The following TENM3 variants were observed in gnomAD, a reference collection of about 807,000 sequenced individuals.
TENM3 encodes teneurin-3.
TENM3 carries 63 observed loss-of-function variants against 255.1 expected under a neutral mutation model. The observed-to-expected ratio is 0.25, with a 90% CI of 0.20 to 0.30. The LOEUF is 0.30. Among genes scored for constraint, TENM3 ranks in the 10% least tolerant of loss-of-function variants. The pLI is 1.00. For synonymous variants in TENM3, 1,306 were observed against 1,322.3 expected, an observed-to-expected ratio of 0.99 and a Z score of 0.27; for missense variants, 2,929 against 3,461.1, an observed-to-expected ratio of 0.85 and a Z score of 3.86.
Position 182,641,528 on chromosome 4 carries a change from TG to T in TENM3, c.989-12242del, listed in dbSNP as rs199821612. ...ATAAAAGTAGTATGCAGTTTTTTTT[TG>T]TTGTTTTTTTTTTTTTGAGACAGAG... On this transcript the variant is annotated intron_variant, in intron 5 of 27. Transcript: ENST00000511685. Among the ~76,000 whole-genome samples the T allele has an allele frequency of 5.2e-3, 786 of 150,508 alleles. 7 individuals are homozygous for T. The highest frequency in any genetic ancestry group is 0.018 in the African/African-American group (737 of 40,596).
chr4:181,864,004 C>T, the TENM3 span, among the ~76,000 whole-genome samples: 1 of 152,126 alleles, frequency 6.6e-6, no homozygotes, highest in Non-Finnish European at 1.5e-5. Context: ...ATTTCAAGAA[C>T]TCTAACAAGT....
At chr4:182,314,964 C>G (rs1312124479) in intron 1 of TENM3, among the ~76,000 whole-genome samples, 3 of 152,086 alleles carry the variant, frequency 2.0e-5, no homozygotes, top group Non-Finnish European at 4.4e-5. Flanking sequence ...GTTTCAGTGC[C>G]CTGTTTAGGG....
At chr4:182,424,747 G>T (rs1323814202) in intron 3 of TENM3, among the ~76,000 whole-genome samples, 1 of 152,064 alleles carries the variant, frequency 6.6e-6, no homozygotes, top group Non-Finnish European at 1.5e-5. Context: ...GTCCCTCTTA[G>T]TTAGCCACAG....
At chr4:182,262,981 T>C (rs985906504) in intron 1 of TENM3, among the ~76,000 whole-genome samples, 4 of 152,132 alleles carry the variant, frequency 2.6e-5, no homozygotes, top group Non-Finnish European at 5.9e-5. Flanking sequence ...CCTCCTTTAC[T>C]TTCTTAATAA....
chr4:182,750,869 G>A (rs1478142273), intron 19 of TENM3, among the ~76,000 whole-genome samples: 2 of 152,062 alleles, frequency 1.3e-5, no homozygotes, highest in African/African-American at 4.8e-5. Context: ...TCAGGTTTTT[G>A]TTCAGAAGAC....
At chr4:182,683,483 A>C (rs1330485120) in intron 11 of TENM3, among the ~76,000 whole-genome samples, 1 of 152,204 alleles carries the variant, frequency 6.6e-6, no homozygotes, top group African/African-American at 2.4e-5. Context: ...CAAATATTAT[A>C]ACATCTGAAA....
At chr4:182,313,162 G>T (rs1159959915) in intron 1 of TENM3, among the ~76,000 whole-genome samples, 1 of 150,904 alleles carries the variant, frequency 6.6e-6, no homozygotes, top group Non-Finnish European at 1.5e-5. Flanking sequence ...GAATATTTTT[G>T]AAAAAATTTT....
At chr4:181,508,663 C>G in the TENM3 span, among the ~76,000 whole-genome samples, 2 of 152,154 alleles carry the variant, frequency 1.3e-5, no homozygotes, top group South Asian at 2.1e-4. Flanking sequence ...TTTTAAACTG[C>G]TAATTGTCAC....
At chr4:181,559,626 T>A in the TENM3 span, among the ~76,000 whole-genome samples, 1 of 152,260 alleles carries the variant, frequency 6.6e-6, no homozygotes, top group Non-Finnish European at 1.5e-5. Flanking sequence ...GCCTGGCATA[T>A]ACTAAGTGTT....
intron 25 of TENM3, among the ~76,000 whole-genome samples, chr4:182,791,410 G>A (rs1766092021): frequency 1.3e-5 from 2 of 152,188 alleles, no homozygotes; most frequent in African/African-American, 4.8e-5. Flanking sequence ...TAACCAGCCT[G>A]GGATGACCTT....
At chr4:182,194,551 T>C (rs1245977763) in intron 1 of TENM3, among the ~76,000 whole-genome samples, 2 of 152,210 alleles carry the variant, frequency 1.3e-5, no homozygotes, top group East Asian at 1.9e-4. Context: ...TTGGCTAAGA[T>C]ACAAGCCTGC....
At chr4:182,349,097 T>C (rs1765014188) in intron 3 of TENM3, among the ~76,000 whole-genome samples, 1 of 152,130 alleles carries the variant, frequency 6.6e-6, no homozygotes, top group Non-Finnish European at 1.5e-5. Flanking sequence ...TTTGGCAGCA[T>C]TTGTTGAGAG....
At chr4:181,663,568 G>A in the TENM3 span, among the ~76,000 whole-genome samples, 1 of 152,220 alleles carries the variant, frequency 6.6e-6, no homozygotes, top group Admixed American at 6.5e-5. Context: ...GAGAGTATTA[G>A]GAAATAAATA....
the TENM3 span, among the ~76,000 whole-genome samples, chr4:181,736,469 T>TAA: frequency 5.6e-3 from 851 of 152,098 alleles, 10 homozygotes; most frequent in African/African-American, 0.02. Context: ...CCTTTGGATA[T>TAA]AAGTCCCACG....
intron 1 of TENM3, among the ~76,000 whole-genome samples, chr4:182,286,806 C>T (rs1323315976): frequency 1.3e-5 from 2 of 152,178 alleles, no homozygotes; most frequent in African/African-American, 2.4e-5. Flanking sequence ...TACTTGCAGT[C>T]TTGCCCCCTC....
At chr4:182,057,980 A>T in the TENM3 span, among the ~76,000 whole-genome samples, 2 of 152,036 alleles carry the variant, frequency 1.3e-5, no homozygotes, top group Admixed American at 1.3e-4. Flanking sequence ...TATGTCATTG[A>T]CCATGTTAAA....
chr4:181,672,990 AAAG>A, the TENM3 span, among the ~76,000 whole-genome samples: 5 of 152,198 alleles, frequency 3.3e-5, no homozygotes. Flanking sequence ...CACAGTAAAC[AAAG>A]AAGCAGATTA....
At chr4:182,219,631 C>T (rs964588776) in intron 1 of TENM3, among the ~76,000 whole-genome samples, 6 of 152,094 alleles carry the variant, frequency 3.9e-5, no homozygotes, top group Non-Finnish European at 8.8e-5. Flanking sequence ...CGCCACTGCA[C>T]TCCAGCCTGG....
chr4:181,614,558 A>G, the TENM3 span, among the ~76,000 whole-genome samples: 1 of 152,190 alleles, frequency 6.6e-6, no homozygotes, highest in African/African-American at 2.4e-5. Context: ...ATCTTGCCCA[A>G]GGATCTCCAT....
Sources: gnomAD v4.1 joint callset for allele counts (sites outside exome capture counted in the v4.1 genomes callset) on GRCh38, gnomAD v4.1.1 for gene constraint, MANE v1.5 for transcripts, NCBI Gene and HGNC (gene_info 2026-07-23, HGNC 2026-07-21) for gene names.